HS6ST1: variants seen among roughly 807,000 people sequenced by gnomAD.
The protein encoded by HS6ST1 is heparan-sulfate 6-O-sulfotransferase 1.
HS6ST1 carries 3 observed loss-of-function variants against 25.2 expected under a neutral mutation model. The observed-to-expected ratio is 0.12, with a 90% confidence interval of 0.05 to 0.31. HS6ST1 has a LOEUF of 0.31. Ranked by LOEUF, HS6ST1 falls within the 10% of genes least tolerant of loss-of-function variation. The probability of loss-of-function intolerance (pLI) is 1.00; values close to 1 mark genes in which losing one functional copy is unlikely to be tolerated. For synonymous variants in HS6ST1, 204 were observed against 275.1 expected (o/e 0.74, Z 2.56); for missense variants, 310 against 609.6 (o/e 0.51, Z 5.18).
At chr2:128,288,842 G>A (rs554362588) in intron 1 of HS6ST1, among the ~76,000 whole-genome samples, 41 of 152,130 alleles carry the variant, frequency 2.7e-4, no homozygotes, top group African/African-American at 9.6e-4. Context: ...TCAGGAGGGC[G>A]AGAGCTCATC....
At chr2:128,271,782 T>A (rs139110226) in intron 1 of HS6ST1, among the ~76,000 whole-genome samples, 3 of 152,202 alleles carry the variant, frequency 2.0e-5, no homozygotes, top group Non-Finnish European at 4.4e-5. Flanking sequence ...AGGGCCCCGA[T>A]TGACCCGAGG....
At chr2:128,302,071 C>T (rs1694138858) in intron 1 of HS6ST1, among the ~76,000 whole-genome samples, 1 of 152,232 alleles carries the variant, frequency 6.6e-6, no homozygotes, top group Non-Finnish European at 1.5e-5. Context: ...TCCCATCCCT[C>T]AGGACACCCT....
chr2:128,281,771 G>A (rs1292227955), intron 1 of HS6ST1, among the ~76,000 whole-genome samples: 2 of 152,196 alleles, frequency 1.3e-5, no homozygotes, highest in Non-Finnish European at 2.9e-5. Flanking sequence ...GTGGGCTCCC[G>A]GGCGGGGCCA....
intron 1 of HS6ST1, among the ~76,000 whole-genome samples, chr2:128,306,415 C>A (rs1483065756): frequency 1.3e-5 from 2 of 152,206 alleles, no homozygotes; most frequent in African/African-American, 4.8e-5. Flanking sequence ...CCACCCCACC[C>A]TGGCCACGAT....
In HS6ST1 at chr2:128,318,802, C is replaced by T. The variant is rs1405964352; in HGVS notation, c.-239G>A. ...CGCTCGGCCCCGCTCCCGGCCCCGG[C>T]CAGCACAGCGCTCTCCGCGCCCCCA... On this transcript the variant is annotated 5_prime_UTR_variant, in exon 1 of 2. Coordinates refer to ENST00000259241, the MANE Select transcript of HS6ST1 (RefSeq NM_004807.3). The surrounding 1 kb of genome is among the most constrained non-coding windows in gnomAD (Gnocchi z 5.7). Among the ~76,000 whole-genome samples, 1 of 147,274 alleles carries T rather than the reference C, an allele frequency of 6.8e-6. No individual in the cohort carries two copies. The highest frequency in any genetic ancestry group is 2.4e-5 in the African/African-American group (1 of 40,946).
intron 1 of HS6ST1, among the ~76,000 whole-genome samples, chr2:128,277,874 G>A (rs370680584): frequency 5.9e-5 from 9 of 152,270 alleles, no homozygotes; most frequent in African/African-American, 2.2e-4. Flanking sequence ...CCTGGATCAT[G>A]CACTTCGGCA....
intron 1 of HS6ST1, among the ~76,000 whole-genome samples, chr2:128,293,510 G>A (rs990394234): frequency 2.0e-5 from 3 of 152,346 alleles, no homozygotes; most frequent in East Asian, 1.9e-4. Flanking sequence ...ACCCCAGGAC[G>A]GGAGGGGACC....
At chr2:128,301,148 CCT>C (rs1193358366) in intron 1 of HS6ST1, among the ~76,000 whole-genome samples, 5 of 152,236 alleles carry the variant, frequency 3.3e-5, no homozygotes, top group Non-Finnish European at 4.4e-5. Context: ...TCTAGCCGCC[CCT>C]CTGTGTGGGA....
chr2:128,290,746 T>C (rs778421790), intron 1 of HS6ST1, among the ~76,000 whole-genome samples: 20 of 139,274 alleles, frequency 1.4e-4, no homozygotes, highest in Non-Finnish European at 1.8e-4. Flanking sequence ...CTGAGGCAGG[T>C]GGATGACTTG....
intron 1 of HS6ST1, among the ~76,000 whole-genome samples, chr2:128,303,358 G>A (rs1206160654): frequency 6.6e-6 from 1 of 152,256 alleles, no homozygotes; most frequent in Non-Finnish European, 1.5e-5. Context: ...AACACCCATG[G>A]GGCCACCCTG....
At chr2:128,269,519 G>A (rs999110798) in intron 1 of HS6ST1, among the ~76,000 whole-genome samples, 8 of 152,210 alleles carry the variant, frequency 5.3e-5, no homozygotes, top group South Asian at 4.1e-4. Context: ...CCTCCCCTGC[G>A]CGGCAGGAGC....
Position 128,265,720 on chromosome 2 carries a change from G to A in HS6ST1, c.*2442C>T, listed in dbSNP as rs1397297497. On this transcript the variant is annotated 3_prime_UTR_variant, in exon 2 of 2. Transcript: ENST00000259241. ...ACAGCCTTGTTTTGTGGGCAGTTCT[G>A]CTGTTCCTGGCTTCCCCTTCCAGGA... 2 of 152,102 alleles carry A rather than the reference G, an allele frequency of 1.3e-5. No individual in the cohort carries two copies. The highest frequency in any genetic ancestry group is 2.9e-5 in the Non-Finnish European group (2 of 68,006). The allele number at this position is 152,102 out of a possible 1,614,324, so 9.4% of individuals were successfully genotyped here. A position where few individuals can be genotyped will look rare whatever the true frequency, so the allele number is the denominator to read the frequency against.
At chr2:128,293,301 G>A (rs1456729333) in intron 1 of HS6ST1, among the ~76,000 whole-genome samples, 1 of 152,244 alleles carries the variant, frequency 6.6e-6, no homozygotes, top group East Asian at 1.9e-4. Flanking sequence ...CCTGCCCAAG[G>A]GCCAGCCTGG....
intron 1 of HS6ST1, among the ~76,000 whole-genome samples, chr2:128,305,259 T>A (rs1162672177): frequency 6.6e-6 from 1 of 152,254 alleles, no homozygotes; most frequent in Non-Finnish European, 1.5e-5. Flanking sequence ...CTGGGAACGT[T>A]GCCAGCCCAG....
intron 1 of HS6ST1, among the ~76,000 whole-genome samples, chr2:128,284,755 T>C (rs1039102670): frequency 6.6e-6 from 1 of 152,180 alleles, no homozygotes; most frequent in Non-Finnish European, 1.5e-5. Context: ...CCCAAAGTGC[T>C]GGGATTACAG....
At position 128,268,462 on chromosome 2, in the gene HS6ST1, G is replaced by A; in HGVS notation, c.936C>T (p.Phe312=). ...YLFERTFNLK[F]IRPFMQYNST... Reference sequence around the variant, plus strand: ...TATTGTACTGCATGAAGGGCCGGATGAACTTGAGGTTGAACGTCCGCTCGA... The same window carrying A: ...TATTGTACTGCATGAAGGGCCGGATAAACTTGAGGTTGAACGTCCGCTCGA... Residue 312 remains phenylalanine (F), a synonymous_variant, in exon 2 of 2, where the codon TTC becomes TTT. Transcript: ENST00000259241. 6.2e-7 allele frequency: 1 copy of A among 1,613,464 alleles called. No individual in the cohort carries two copies. Among genetic ancestry groups the A allele is most frequent in the Non-Finnish European group, 8.5e-7 (1 of 1,179,830 alleles).
intron 1 of HS6ST1, among the ~76,000 whole-genome samples, chr2:128,316,276 A>C (rs1245288626): frequency 6.6e-6 from 1 of 152,252 alleles, no homozygotes; most frequent in Non-Finnish European, 1.5e-5. Flanking sequence ...TCTGCTGAGC[A>C]GGCTTGTTTC....
At chr2:128,277,011 A>C (rs1693706456) in intron 1 of HS6ST1, among the ~76,000 whole-genome samples, 1 of 152,144 alleles carries the variant, frequency 6.6e-6, no homozygotes, top group African/African-American at 2.4e-5. Context: ...TTTAGTAACT[A>C]ACCATGAATT....
chr2:128,316,185 A>G (rs561836809), intron 1 of HS6ST1, among the ~76,000 whole-genome samples: 6 of 152,366 alleles, frequency 3.9e-5, no homozygotes, highest in Admixed American at 2.6e-4. Context: ...AAAGGAGGCC[A>G]AGGCTCTTCA....
Sources: gnomAD v4.1 joint callset for allele counts (sites outside exome capture counted in the v4.1 genomes callset) on GRCh38, gnomAD v4.1.1 for gene constraint, Gnocchi (gnomAD v3.1) non-coding constraint, MANE v1.5 for transcripts, NCBI Gene and HGNC (gene_info 2026-07-23, HGNC 2026-07-21) for gene names.